CFAP92: variants seen among roughly 807,000 people sequenced by gnomAD.
CFAP92 encodes uncharacterized protein CFAP92.
Under a neutral mutation model 106.3 loss-of-function variants are expected in CFAP92, and 86 were observed. That is an observed-to-expected ratio of 0.81 (90% CI 0.68 to 0.97). The LOEUF (loss-of-function observed/expected upper bound fraction) is 0.97, where lower values mean the gene tolerates loss of function less well. CFAP92 is among the 50% of genes least tolerant of loss of function. The pLI is 0.00. For synonymous variants in CFAP92, 477 were observed against 506.4 expected (o/e 0.94, Z 0.78); for missense variants, 1,204 against 1,283.8 (o/e 0.94, Z 0.95).
At chr3:128,923,168 C>T (rs377505411) in intron 12 of CFAP92, among the ~76,000 whole-genome samples, 7 of 152,150 alleles carry the variant, frequency 4.6e-5, no homozygotes, top group Admixed American at 2.6e-4. Flanking sequence ...ATGAACAAGC[C>T]GTGTGGGTGC....
At chr3:128,985,990 C>T (rs974585233) in intron 4 of CFAP92, among the ~76,000 whole-genome samples, 13 of 152,060 alleles carry the variant, frequency 8.5e-5, no homozygotes, top group South Asian at 4.1e-4. Context: ...GCCCCCACAG[C>T]GAGGAATTAT....
chr3:128,910,327 T>C lies in CFAP92; in HGVS notation c.3287A>G (p.Lys1096Arg), dbSNP rs1461455944. Residue 1096 changes from lysine (K) to arginine (R), a missense_variant, in exon 16 of 16, where the codon AAG becomes AGG. Transcript: ENST00000645291. ...GGAGATGGGGCTGTTCCCTTTCTTC[T>C]TCCTGACTGAGAGAAGAGGGGGTGA... ...SPAPKPVTVR[K>R]KKGNSPIS 1.1e-5 allele frequency: 16 copies of C among 1,474,882 alleles called. No individual in the cohort carries two copies. The Admixed American group carries it at 3.7e-4, about 34-fold the overall frequency. 91.4% of individuals were successfully genotyped at this position (1,474,882 alleles called of 1,614,324 possible). A position where few individuals can be genotyped will look rare whatever the true frequency, so the allele number is the denominator to read the frequency against.
At chr3:128,936,513 G>A (rs55940655) in intron 10 of CFAP92, among the ~76,000 whole-genome samples, 10,693 of 152,156 alleles carry the variant, frequency 0.07, 954 homozygotes, top group African/African-American at 0.21. Flanking sequence ...TCGACAGGCG[G>A]GGAGAAAGCA....
rs1938561451 is a variant in CFAP92, at chr3:128,932,950, A to G, written c.2501T>C (p.Val834Ala). The G allele has an allele frequency of 6.5e-7, 1 of 1,536,012 alleles. No homozygotes were observed. The highest frequency in any genetic ancestry group is 1.4e-5 in the African/African-American group (1 of 73,026). Residue 834 changes from valine (V) to alanine (A), a missense_variant, in exon 12 of 16, where the codon GTG (valine) becomes GCG (alanine). Val to Ala is a moderately conservative substitution (Grantham distance 64). Coordinates refer to ENST00000645291, the MANE Select transcript of CFAP92 (RefSeq NM_001394090.1). ...AGCAGAGGAGGGCAGCAGGTCCCTC[A>G]CCGTCACGTCCCAGAGGGTGGTGCT... ...YNSTTLWDVT[V>A]RDLLPSSAMI...
In CFAP92 at chr3:128,945,476, C is replaced by A; in HGVS notation, c.1853G>T (p.Gly618Val). 6.5e-7 allele frequency: 1 copy of A among 1,536,110 alleles called. No homozygotes were observed. The highest frequency in any genetic ancestry group is 8.7e-7 in the Non-Finnish European group (1 of 1,146,886). ...LGVPRDGHQH[G>V]PMPRGNYLEA... ...TAGGTAGTTGCCCCTGGGCATTGGG[C>A]CGTGCTGGTGGCCATCTCTGGGGAC... is the stretch of plus-strand genomic sequence containing the variant. The change falls in exon 10 of 16, where the codon GGC becomes GTC. Residue 618 changes from glycine to valine, a missense_variant. Gly to Val is a moderately radical substitution (Grantham distance 109, BLOSUM62 -3). Transcript: ENST00000645291.
chr3:128,929,446 CAT>C (rs1044252032), intron 12 of CFAP92, among the ~76,000 whole-genome samples: 15 of 152,134 alleles, frequency 9.9e-5, no homozygotes, highest in Admixed American at 4.6e-4. Flanking sequence ...GAAATGAAAA[CAT>C]ATTTTCACGT....
chr3:129,012,223 A>C, the CFAP92 span, among the ~76,000 whole-genome samples: 1 of 152,238 alleles, frequency 6.6e-6, no homozygotes, highest in Non-Finnish European at 1.5e-5. Context: ...CATCTGGAGA[A>C]TAGGTTAGTT....
the CFAP92 span, among the ~76,000 whole-genome samples, chr3:129,014,851 T>C: frequency 6.6e-6 from 1 of 152,024 alleles, no homozygotes; most frequent in Non-Finnish European, 1.5e-5. The surrounding 1 kb of genome is among the most constrained non-coding windows in gnomAD (Gnocchi z 4.3). Flanking sequence ...GAGGGGCCAG[T>C]GAGGAGGGGC....
At chr3:129,019,015 T>A in the CFAP92 span, among the ~76,000 whole-genome samples, 1 of 152,126 alleles carries the variant, frequency 6.6e-6, no homozygotes, top group Non-Finnish European at 1.5e-5. Flanking sequence ...CAAGTGCGTG[T>A]CCTCCCCCAC....
chr3:128,970,353 G>A (rs1942694561), intron 8 of CFAP92: 1 of 152,248 alleles, frequency 6.6e-6, no homozygotes, highest in African/African-American at 2.4e-5. Flanking sequence ...GAACTGAACT[G>A]GAGGCTCTGA....
chr3:128,993,702 G>C (rs1190333197), intron 1 of CFAP92: 1 of 309,892 alleles, frequency 3.2e-6, no homozygotes, highest in Admixed American at 4.4e-5. Context: ...CTGCGCCTAA[G>C]CACAAGATGC....
chr3:128,997,322 T>C (rs529513055), upstream of CFAP92, among the ~76,000 whole-genome samples: 1 of 152,368 alleles, frequency 6.6e-6, no homozygotes, highest in Non-Finnish European at 1.5e-5. Flanking sequence ...TATTGAAGTA[T>C]TTTTTATTTA....
chr3:128,945,447 C>T lies in CFAP92; in HGVS notation c.1882G>A (p.Ala628Thr). The change falls in exon 10 of 16, where the codon GCT becomes ACT. Residue 628 changes from alanine to threonine, a missense_variant. Ala to Thr is a moderately conservative substitution (Grantham distance 58, BLOSUM62 0). Coordinates refer to ENST00000645291, the MANE Select transcript of CFAP92 (RefSeq NM_001394090.1). Reference sequence around the variant, plus strand: ...ACTCGCAACTTGAGCTGGGAGTCAGCCTCTAGGTAGTTGCCCCTGGGCATT... The same window carrying T: ...ACTCGCAACTTGAGCTGGGAGTCAGTCTCTAGGTAGTTGCCCCTGGGCATT... ...GPMPRGNYLE[A>T]DSQLKLRVDI... 1 of 1,536,158 alleles carries T rather than the reference C, an allele frequency of 6.5e-7. No individual in the cohort carries two copies. The highest frequency in any genetic ancestry group is 1.2e-5 in the South Asian group (1 of 84,068).
chr3:128,973,423 G>A (rs1024040170), intron 7 of CFAP92, among the ~76,000 whole-genome samples: 31 of 152,056 alleles, frequency 2.0e-4, no homozygotes, highest in African/African-American at 7.2e-4. Context: ...TTGGGAGGCC[G>A]AGGCAAGCGG....
chr3:128,915,713 T>C (rs1202051198), intron 13 of CFAP92, 150 bp from the exon 14 acceptor site: 1 of 619,674 alleles, frequency 1.6e-6, no homozygotes, highest in Admixed American at 3.2e-5. Flanking sequence ...GCAGTAGCCC[T>C]GTAAGGGACA....
At chr3:128,991,690 C>A in intron 2 of CFAP92, 1 of 874,914 alleles carries the variant, frequency 1.1e-6, no homozygotes. Context: ...CTCAGCCGGC[C>A]TGCACCAAGG....
At chr3:129,001,065 G>A (rs1944708204) in intron 1 of CFAP92, among the ~76,000 whole-genome samples, 1 of 152,242 alleles carries the variant, frequency 6.6e-6, no homozygotes, top group African/African-American at 2.4e-5. Context: ...AGGGCGGCGA[G>A]AGCAGGCTTG....
chr3:129,018,741 T>A, the CFAP92 span, among the ~76,000 whole-genome samples: 5 of 152,190 alleles, frequency 3.3e-5, no homozygotes, highest in African/African-American at 1.2e-4. Flanking sequence ...CTTCAGGCAG[T>A]CCCTCCCCGG....
At chr3:129,004,840 G>A (rs985746215), upstream of CFAP92, among the ~76,000 whole-genome samples, 1 of 152,142 alleles carries the variant, frequency 6.6e-6, no homozygotes, top group African/African-American at 2.4e-5. Flanking sequence ...AGGGCAGGAA[G>A]CTGGACTTGG....
Sources: allele counts gnomAD v4.1 joint callset (sites outside exome capture counted in the v4.1 genomes callset), GRCh38; gene constraint gnomAD v4.1.1; non-coding constraint Gnocchi (gnomAD v3.1); transcripts MANE v1.5; gene names NCBI Gene and HGNC (gene_info 2026-07-23, HGNC 2026-07-21).